CSMD1: variants seen among roughly 807,000 people sequenced by gnomAD.
The protein encoded by CSMD1 is CUB and sushi domain-containing protein 1.
Under a neutral mutation model 417.5 loss-of-function variants are expected in CSMD1, and 213 were observed. The ratio of observed to expected loss-of-function variants is 0.51; its 90% confidence interval spans 0.46 to 0.57. The LOEUF (loss-of-function observed/expected upper bound fraction) is 0.57, where lower values mean the gene tolerates loss of function less well. CSMD1 is among the 20% of genes least tolerant of loss of function. The probability of loss-of-function intolerance (pLI) is 0.00; values close to 1 mark genes in which losing one functional copy is unlikely to be tolerated. For synonymous variants in CSMD1, 2,862 were observed against 1,736.8 expected, an observed-to-expected ratio of 1.65 and a Z score of -16.11; for missense variants, 6,923 against 4,529.7, an observed-to-expected ratio of 1.53 and a Z score of -15.17.
At chr8:3,851,937 A>G (rs1191332403) in intron 5 of CSMD1, among the ~76,000 whole-genome samples, 2 of 152,152 alleles carry the variant, frequency 1.3e-5, no homozygotes, top group South Asian at 2.1e-4. Context: ...GCATTGAAGA[A>G]TATGTGAGCT....
intron 26 of CSMD1, among the ~76,000 whole-genome samples, chr8:3,238,499 T>C (rs1156984916): frequency 6.6e-6 from 1 of 151,972 alleles, no homozygotes; most frequent in African/African-American, 2.4e-5. Context: ...GGAGACATAA[T>C]GGGCGATGTT....
intron 3 of CSMD1, among the ~76,000 whole-genome samples, chr8:4,176,345 A>T (rs1375327118): frequency 6.6e-6 from 1 of 152,140 alleles, no homozygotes; most frequent in African/African-American, 2.4e-5. Context: ...TTAAATTGAA[A>T]ATAAATTAGT....
intron 5 of CSMD1, among the ~76,000 whole-genome samples, chr8:3,821,771 G>C (rs982866527): frequency 1.3e-5 from 2 of 152,136 alleles, no homozygotes; most frequent in East Asian, 1.9e-4. Flanking sequence ...GACAGAGTGA[G>C]ACTCTGTCTC....
At position 3,227,796 on chromosome 8, in the gene CSMD1, C is replaced by G. The variant is rs1028021470; in HGVS notation, c.4345+2244G>C. Among the ~76,000 whole-genome samples the G allele has an allele frequency of 8.3e-4, 124 of 149,606 alleles. 1 individual carries two copies. The highest frequency in any genetic ancestry group is 2.9e-3 in the African/African-American group (118 of 40,624). Reference sequence around the variant, plus strand: ...CTTTTTTTTTTTTTTGAGACAGAGTCTCACTCTGTTGCACAGGCTGGAGTG... The same window carrying G: ...CTTTTTTTTTTTTTTGAGACAGAGTGTCACTCTGTTGCACAGGCTGGAGTG... On this transcript the variant is annotated intron_variant, in intron 27 of 69. Coordinates refer to ENST00000635120, the MANE Select transcript of CSMD1 (RefSeq NM_033225.6).
intron 3 of CSMD1, among the ~76,000 whole-genome samples, chr8:4,325,069 G>T (rs190140359): frequency 4.6e-5 from 7 of 152,156 alleles, no homozygotes; most frequent in Non-Finnish European, 7.3e-5. Flanking sequence ...GCATCCAGTG[G>T]AGCCAGGAGG....
At chr8:4,408,335 T>G (rs1272016195) in intron 3 of CSMD1, among the ~76,000 whole-genome samples, 1 of 152,090 alleles carries the variant, frequency 6.6e-6, no homozygotes, top group African/African-American at 2.4e-5. Flanking sequence ...TAAAACAAAC[T>G]GGGAAGCTGT....
In CSMD1 at chr8:3,394,012, T is replaced by TAAAA. The variant is rs1554536992; in HGVS notation, c.2593+2181_2593+2182insTTTT. ...ATAATAATAATAATAAAAAAATAAA[T>TAAAA]TATATATATATATATATATATATAT... On this transcript the variant is annotated intron_variant, in intron 17 of 69. Coordinates refer to ENST00000635120, the MANE Select transcript of CSMD1 (RefSeq NM_033225.6). Among the ~76,000 whole-genome samples, 80 of 31,608 alleles carry TAAAA rather than the reference T, an allele frequency of 2.5e-3. 3 individuals carry two copies. The East Asian group carries it at 0.039, about 15-fold the overall frequency. The allele number at this position is 31,608 out of a possible 152,430, so 20.7% of individuals were successfully genotyped here. A position where few individuals can be genotyped will look rare whatever the true frequency, so the allele number is the denominator to read the frequency against.
intron 5 of CSMD1, among the ~76,000 whole-genome samples, chr8:3,982,521 T>C (rs987084331): frequency 1.3e-5 from 2 of 152,216 alleles, no homozygotes; most frequent in South Asian, 2.1e-4. Context: ...ATTATGTGCA[T>C]ACCATTTAGA....
At chr8:3,134,564 G>A (rs1459406082) in intron 41 of CSMD1, among the ~76,000 whole-genome samples, 2 of 152,202 alleles carry the variant, frequency 1.3e-5, no homozygotes, top group African/African-American at 4.8e-5. Flanking sequence ...GCTTAGGGAT[G>A]GTCGAGTGGT....
intron 1 of CSMD1, among the ~76,000 whole-genome samples, chr8:4,936,739 T>G (rs1220129382): frequency 6.6e-6 from 1 of 152,240 alleles, no homozygotes; most frequent in Non-Finnish European, 1.5e-5. Context: ...CAGGACCTGA[T>G]AAAACCCATA....
chr8:3,637,919 T>G (rs997865781), intron 7 of CSMD1, among the ~76,000 whole-genome samples: 1 of 152,230 alleles, frequency 6.6e-6, no homozygotes, highest in African/African-American at 2.4e-5. Context: ...CTCTCTTGAT[T>G]GCCGCCATGT....
Position 4,325,705 on chromosome 8 carries a change from C to A in CSMD1, c.415+94248G>T, listed in dbSNP as rs550839850. 4.6e-5 allele frequency among the ~76,000 whole-genome samples: 7 copies of A among 152,216 alleles called. No homozygotes were observed. In the East Asian group the frequency reaches 1.4e-3, roughly 30 times the overall value. ...AGAAAGCGAGATGCAGGATAAAACT[C>A]AGTGATTATAGATGGAATCCAACAC... On this transcript the variant is annotated intron_variant, in intron 3 of 69. Transcript: ENST00000635120.
chr8:3,322,842 A>C (rs1193427022), intron 23 of CSMD1, among the ~76,000 whole-genome samples: 1 of 152,234 alleles, frequency 6.6e-6, no homozygotes, highest in Non-Finnish European at 1.5e-5. Flanking sequence ...ATTCTTAACA[A>C]AGGAAATTGA....
At chr8:4,059,319 A>G (rs574939798) in intron 3 of CSMD1, among the ~76,000 whole-genome samples, 40 of 84,410 alleles carry the variant, frequency 4.7e-4, no homozygotes, top group African/African-American at 1.6e-3. Flanking sequence ...TTATAGCACT[A>G]AATGTCCACA....
At chr8:4,066,335 C>G (rs1034254365) in intron 3 of CSMD1, among the ~76,000 whole-genome samples, 1 of 152,136 alleles carries the variant, frequency 6.6e-6, no homozygotes, top group Admixed American at 6.5e-5. Context: ...GCTGCCTAGC[C>G]CGTTCTGTCA....
chr8:4,983,910 T>G (rs144279174), intron 1 of CSMD1, among the ~76,000 whole-genome samples: 11 of 152,162 alleles, frequency 7.2e-5, no homozygotes, highest in African/African-American at 2.4e-4. Context: ...AAAGTTATGG[T>G]CGATGAGGTG....
intron 2 of CSMD1, among the ~76,000 whole-genome samples, chr8:4,437,413 A>G (rs1798209803): frequency 6.6e-6 from 1 of 152,216 alleles, no homozygotes; most frequent in Admixed American, 6.5e-5. Context: ...AAAGTGAGCC[A>G]CATTTTCTAG....
intron 25 of CSMD1, among the ~76,000 whole-genome samples, chr8:3,291,726 T>A (rs1166206828): frequency 6.6e-6 from 1 of 152,206 alleles, no homozygotes; most frequent in African/African-American, 2.4e-5. Flanking sequence ...TTTTCTTCTT[T>A]ATTTGTCTTG....
rs559405052 is a variant in CSMD1, at chr8:4,548,627, T to C, written c.302+88715A>G. On this transcript the variant is annotated intron_variant, in intron 2 of 69. Coordinates refer to ENST00000635120, the MANE Select transcript of CSMD1 (RefSeq NM_033225.6). ...AGTAATAGATGCAAATGGCTTTTTT[T>C]CCCCACAGAATGATTTCAAAAATCA... Among the ~76,000 whole-genome samples, 11 of 152,310 alleles carry C rather than the reference T, an allele frequency of 7.2e-5. No homozygotes were observed. The East Asian group carries it at 1.2e-3, about 16-fold the overall frequency.
Sources: allele counts gnomAD v4.1 joint callset (sites outside exome capture counted in the v4.1 genomes callset), GRCh38; gene constraint gnomAD v4.1.1; transcripts MANE v1.5; gene names NCBI Gene and HGNC (gene_info 2026-07-23, HGNC 2026-07-21).